Variants in CD9 observed in about 807,000 individuals in gnomAD.
CD9 encodes CD9 antigen.
Under a neutral mutation model 31.4 loss-of-function variants are expected in CD9, and 10 were observed. That is an observed-to-expected ratio of 0.32 (90% CI 0.20 to 0.54). The LOEUF (loss-of-function observed/expected upper bound fraction) is 0.54. CD9 is among the 20% of genes least tolerant of loss of function. The pLI is 0.94. For synonymous variants in CD9, 113 were observed against 114.1 expected (o/e 0.99, Z 0.06); for missense variants, 259 against 300.1 (o/e 0.86, Z 1.01).
At chr12:6,210,049 C>T (rs1285618913) in intron 1 of CD9, among the ~76,000 whole-genome samples, 1 of 152,198 alleles carries the variant, frequency 6.6e-6, no homozygotes, top group Non-Finnish European at 1.5e-5. Context: ...CTTTGGCCTT[C>T]TTTGTCATGG....
At chr12:6,213,503 T>C (rs1318355792) in intron 1 of CD9, among the ~76,000 whole-genome samples, 3 of 152,192 alleles carry the variant, frequency 2.0e-5, no homozygotes, top group Non-Finnish European at 4.4e-5. Flanking sequence ...AACTTGGAAA[T>C]TAATTTACAA....
intron 4 of CD9, among the ~76,000 whole-genome samples, chr12:6,234,123 C>T (rs1255772043): frequency 6.6e-6 from 1 of 151,530 alleles, no homozygotes; most frequent in African/African-American, 2.4e-5. Flanking sequence ...ATGAGAGATG[C>T]GTTCAGGAGG....
intron 1 of CD9, among the ~76,000 whole-genome samples, chr12:6,209,126 G>A (rs893630067): frequency 1.3e-5 from 2 of 152,032 alleles, no homozygotes; most frequent in Non-Finnish European, 2.9e-5. Context: ...ATGCCACCAC[G>A]CCCAGCTAAT....
At position 6,232,850 on chromosome 12, in the gene CD9, G is replaced by A; in HGVS notation, c.273+121G>A. 1.3e-6 allele frequency: 1 copy of A among 742,036 alleles called. No individual in the cohort carries two copies. The highest frequency in any genetic ancestry group is 2.4e-6 in the Non-Finnish European group (1 of 420,780). 46.0% of individuals were successfully genotyped at this position (742,036 alleles called of 1,614,324 possible). A position where few individuals can be genotyped will look rare whatever the true frequency, so the allele number is the denominator to read the frequency against. ...ATGGGGTCAGGAAGGTACCCAAAGG[G>A]CATGAGCTGTCCTCAGCCTGGGCCC... On this transcript the variant is annotated intron_variant, in intron 3 of 7. Coordinates refer to ENST00000009180, the MANE Select transcript of CD9 (RefSeq NM_001769.4). This position sits in a 1 kb window ranked among gnomAD's most constrained non-coding sequence, Gnocchi z 4.8.
At chr12:6,210,835 C>CTTT (rs143561091) in intron 1 of CD9, among the ~76,000 whole-genome samples, 5 of 130,892 alleles carry the variant, frequency 3.8e-5, no homozygotes, top group African/African-American at 5.6e-5. Flanking sequence ...AGTTGAGCAA[C>CTTT]TTTTTTTTTT....
chr12:6,215,234 C>T (rs985340886), intron 1 of CD9, among the ~76,000 whole-genome samples: 1 of 152,218 alleles, frequency 6.6e-6, no homozygotes, highest in Non-Finnish European at 1.5e-5. Flanking sequence ...AGGAAGCTCA[C>T]ACCTCCCATC....
In CD9 at chr12:6,232,627, C is replaced by T. The variant is rs377076812; in HGVS notation, c.176-5C>T. 4.5e-6 allele frequency: 7 copies of T among 1,555,958 alleles called. No homozygotes were observed. Among genetic ancestry groups the T allele is most frequent in the East Asian group, 2.4e-5 (1 of 42,164 alleles). ...CGCGTGTGTGCTTCCTCTGTCCTCC[C>T]GCAGGAGTCTATATTCTGATCGGAG... On this transcript the variant is annotated splice_region_variant and splice_polypyrimidine_tract_variant and intron_variant, in intron 2 of 7. Transcript: ENST00000009180. The surrounding 1 kb of genome is among the most constrained non-coding windows in gnomAD (Gnocchi z 4.8).
chr12:6,200,428 G>C lies in CD9; in HGVS notation c.-72G>C, dbSNP rs2136593427. ...CGCCTGCATCTGTATCCAGCGCCAG[G>C]TCCCGCCAGTCCCAGCTGCGCGCGC... On this transcript the variant is annotated 5_prime_UTR_variant, in exon 1 of 8. Coordinates refer to ENST00000009180, the MANE Select transcript of CD9 (RefSeq NM_001769.4). The C allele has an allele frequency of 1.0e-6, 1 of 980,004 alleles. No individual in the cohort carries two copies. Among genetic ancestry groups the C allele is most frequent in the East Asian group, 2.4e-5 (1 of 40,998 alleles). The allele number at this position is 980,004 out of a possible 1,614,324, so 60.7% of individuals were successfully genotyped here. A position where few individuals can be genotyped will look rare whatever the true frequency, so the allele number is the denominator to read the frequency against.
intron 2 of CD9, among the ~76,000 whole-genome samples, chr12:6,227,457 C>G (rs1033466981): frequency 3.3e-5 from 5 of 152,180 alleles, no homozygotes; most frequent in African/African-American, 1.2e-4. Context: ...CTTGGCTTCC[C>G]GAAGTGATGG....
intron 1 of CD9, among the ~76,000 whole-genome samples, chr12:6,211,841 T>C (rs911792270): frequency 2.0e-5 from 3 of 152,160 alleles, no homozygotes; most frequent in African/African-American, 7.2e-5. Context: ...ATGGGATTTC[T>C]TGTTTAGAAA....
intron 4 of CD9, among the ~76,000 whole-genome samples, chr12:6,234,995 G>A (rs1327760411): frequency 3.3e-5 from 5 of 152,318 alleles, no homozygotes; most frequent in African/African-American, 1.2e-4. Context: ...AAGTGTAAGG[G>A]ACAGGGAGAA....
chr12:6,228,445 G>C (rs892822269), intron 2 of CD9, among the ~76,000 whole-genome samples: 1 of 151,560 alleles, frequency 6.6e-6, no homozygotes, highest in Non-Finnish European at 1.5e-5. Flanking sequence ...CCAGCTACTC[G>C]GGAGGCTGAG....
intron 1 of CD9, among the ~76,000 whole-genome samples, chr12:6,201,427 T>G (rs1565417014): frequency 6.6e-6 from 1 of 152,192 alleles, no homozygotes; most frequent in Non-Finnish European, 1.5e-5. Context: ...GCCTTGGCCT[T>G]GCCCTCTCCC....
chr12:6,215,086 C>T (rs1946231319), intron 1 of CD9, among the ~76,000 whole-genome samples: 1 of 152,104 alleles, frequency 6.6e-6, no homozygotes, highest in Non-Finnish European at 1.5e-5. Flanking sequence ...CCGTGGCTCA[C>T]AGTGCTGGTC....
chr12:6,231,428 C>T (rs1298665037), intron 2 of CD9, among the ~76,000 whole-genome samples: 1 of 152,202 alleles, frequency 6.6e-6, no homozygotes, highest in Non-Finnish European at 1.5e-5. Context: ...ACAGTAGCCT[C>T]TCCCAAGGCT....
At position 6,200,485 on chromosome 12, in the gene CD9, A is replaced by T. The variant is rs1479584171; in HGVS notation, c.-15A>T. On this transcript the variant is annotated 5_prime_UTR_variant, in exon 1 of 8. Coordinates refer to ENST00000009180, the MANE Select transcript of CD9 (RefSeq NM_001769.4). The stretch of plus-strand genomic sequence containing the variant: ...GTCCCGCACCCGTTCGGCCCAGGCT[A>T]AGTTAGCCCTCACCATGCCGGTCAA... The T allele has an allele frequency of 1.2e-6, 2 of 1,602,574 alleles. No individual in the cohort carries two copies. Among genetic ancestry groups the T allele is most frequent in the Non-Finnish European group, 1.7e-6 (2 of 1,170,276 alleles).
chr12:6,200,853 C>G (rs1303441682), intron 1 of CD9: 3 of 356,780 alleles, frequency 8.4e-6, no homozygotes, highest in Non-Finnish European at 1.5e-5. Flanking sequence ...AGCACTTTAG[C>G]TCGCCTAGGA....
At chr12:6,210,089 G>GGT (rs1946178275) in intron 1 of CD9, among the ~76,000 whole-genome samples, 2 of 152,308 alleles carry the variant, frequency 1.3e-5, no homozygotes, top group South Asian at 4.1e-4. Flanking sequence ...AGGACCCTGG[G>GGT]GTGTGTCTTG....
At chr12:6,226,462 C>T (rs1372377252) in intron 2 of CD9, 1 of 152,180 alleles carries the variant, frequency 6.6e-6, no homozygotes, top group Non-Finnish European at 1.5e-5. Flanking sequence ...CACTTCCTTC[C>T]CACCCACCAA....
Sources: allele counts gnomAD v4.1 joint callset (sites outside exome capture counted in the v4.1 genomes callset), GRCh38; gene constraint gnomAD v4.1.1; non-coding constraint Gnocchi (gnomAD v3.1); transcripts MANE v1.5; gene names NCBI Gene and HGNC (gene_info 2026-07-23, HGNC 2026-07-21).